C1GALT1: variants seen among roughly 807,000 people sequenced by gnomAD.
The protein encoded by C1GALT1 is glycoprotein-N-acetylgalactosamine 3-beta-galactosyltransferase 1.
In C1GALT1, 11 loss-of-function variants were observed where a neutral mutation model predicts 31.0. That is an observed-to-expected ratio of 0.36 (90% CI 0.22 to 0.59). The LOEUF is 0.59. Among genes scored for constraint, C1GALT1 ranks in the 20% least tolerant of loss-of-function variants. The pLI is 0.79. For synonymous variants in C1GALT1, 175 were observed against 143.6 expected (o/e 1.22, Z -1.56); for missense variants, 424 against 425.2 (o/e 1.00, Z 0.03).
chr7:7,242,117 C>T (rs192480263), intron 3 of C1GALT1, among the ~76,000 whole-genome samples: 1 of 151,624 alleles, frequency 6.6e-6, no homozygotes, highest in African/African-American at 2.4e-5. Context: ...AAATACACAC[C>T]TAATTTCAAG....
intron 1 of C1GALT1, among the ~76,000 whole-genome samples, chr7:7,229,175 G>A (rs139920436): frequency 4.6e-5 from 7 of 152,262 alleles, no homozygotes; most frequent in Non-Finnish European, 7.4e-5. Context: ...TGCCAGGAGC[G>A]GTAGACTCTG....
At position 7,234,508 on chromosome 7, in the gene C1GALT1, G is replaced by T; in HGVS notation, c.189G>T (p.Met63Ile). The T allele has an allele frequency of 6.2e-7, 1 of 1,612,790 alleles. No individual in the cohort carries two copies. Among genetic ancestry groups the T allele is most frequent in the South Asian group, 1.1e-5 (1 of 91,016 alleles). The change falls in exon 2 of 4, where the codon ATG (methionine) becomes ATT (isoleucine). Residue 63 changes from methionine (M) to isoleucine (I), a missense_variant. Coordinates refer to ENST00000436587, the MANE Select transcript of C1GALT1 (RefSeq NM_020156.5). ...DNGQNHLEGQ[M>I]NFNADSSQHK... Reference sequence around the variant, plus strand: ...GACAGAATCATCTAGAAGGACAAATGAACTTCAATGCAGATTCTAGCCAAC... The same window carrying T: ...GACAGAATCATCTAGAAGGACAAATTAACTTCAATGCAGATTCTAGCCAAC...
At chr7:7,180,891 T>C (rs972060855), upstream of C1GALT1, among the ~76,000 whole-genome samples, 12 of 127,812 alleles carry the variant, frequency 9.4e-5, no homozygotes, top group South Asian at 2.7e-3. Context: ...CTGGGCAACA[T>C]AGAAAGACCA....
intron 1 of C1GALT1, chr7:7,209,350 G>C (rs1341312529): frequency 1.3e-5 from 2 of 152,200 alleles, no homozygotes; most frequent in African/African-American, 4.8e-5. Flanking sequence ...TTTTTCCGAA[G>C]ATGGCCATAG....
At chr7:7,208,290 T>A (rs1237840998) in intron 1 of C1GALT1, among the ~76,000 whole-genome samples, 1 of 152,198 alleles carries the variant, frequency 6.6e-6, no homozygotes, top group African/African-American at 2.4e-5. Flanking sequence ...GATGGCATAT[T>A]GTCATGATTT....
chr7:7,230,698 A>T (rs1583823025), intron 1 of C1GALT1, among the ~76,000 whole-genome samples: 1 of 108,970 alleles, frequency 9.2e-6, no homozygotes, highest in Admixed American at 8.9e-5. Flanking sequence ...GAATTTAATT[A>T]TATTGTTTTA....
chr7:7,175,922 C>G (rs1780502125), intron 2 of C1GALT1, among the ~76,000 whole-genome samples: 1 of 152,058 alleles, frequency 6.6e-6, no homozygotes, highest in Non-Finnish European at 1.5e-5. Flanking sequence ...AAAGGCCCTA[C>G]CTTTATCCCC....
At chr7:7,212,213 C>T (rs1396930243) in intron 1 of C1GALT1, among the ~76,000 whole-genome samples, 1 of 152,144 alleles carries the variant, frequency 6.6e-6, no homozygotes, top group Non-Finnish European at 1.5e-5. Flanking sequence ...TCGGAGCTTC[C>T]AGACCTGTTA....
intron 2 of C1GALT1, among the ~76,000 whole-genome samples, chr7:7,177,208 A>C (rs529323728): frequency 6.6e-6 from 1 of 152,292 alleles, no homozygotes; most frequent in African/African-American, 2.4e-5. Context: ...GTCTCACACT[A>C]AGGCTCTGTC....
rs570812454 is a variant in C1GALT1, at chr7:7,241,834, C to T, written c.889-1690C>T. 7.9e-5 allele frequency among the ~76,000 whole-genome samples: 12 copies of T among 151,958 alleles called. No homozygotes were observed. The South Asian group carries it at 2.3e-3, about 29-fold the overall frequency. On this transcript the variant is annotated intron_variant, in intron 3 of 3. Transcript: ENST00000436587. ...GTTTTCTAATAATTATAGCTTTTTA[C>T]TTTTATTGTCTTTTATTGCATAAAT...
chr7:7,185,406 A>G (rs1218825012), intron 1 of C1GALT1, among the ~76,000 whole-genome samples: 1 of 152,232 alleles, frequency 6.6e-6, no homozygotes, highest in Non-Finnish European at 1.5e-5. Context: ...AAAATACGAC[A>G]AACTGGGTGA....
At chr7:7,218,070 G>T (rs924020375) in intron 1 of C1GALT1, among the ~76,000 whole-genome samples, 1 of 152,178 alleles carries the variant, frequency 6.6e-6, no homozygotes, top group Non-Finnish European at 1.5e-5. Context: ...AATTTGATGG[G>T]ATAGTATTAT....
intron 1 of C1GALT1, among the ~76,000 whole-genome samples, chr7:7,232,774 G>A (rs1783148704): frequency 6.6e-6 from 1 of 152,144 alleles, no homozygotes; most frequent in Admixed American, 6.5e-5. Context: ...ACAGGCGTGA[G>A]CCACCACGCC....
intron 1 of C1GALT1, among the ~76,000 whole-genome samples, chr7:7,190,287 G>A (rs553439729): frequency 6.6e-6 from 1 of 152,252 alleles, no homozygotes; most frequent in South Asian, 2.1e-4. Flanking sequence ...CTGAGAAGCT[G>A]ACTCAGGATT....
intron 1 of C1GALT1, among the ~76,000 whole-genome samples, chr7:7,192,351 C>G (rs1408109956): frequency 6.6e-6 from 1 of 152,058 alleles, no homozygotes; most frequent in Non-Finnish European, 1.5e-5. Flanking sequence ...CCTTTGCATC[C>G]TCATAGCTTA....
chr7:7,214,003 G>C (rs371881457), intron 1 of C1GALT1, among the ~76,000 whole-genome samples: 9 of 152,102 alleles, frequency 5.9e-5, no homozygotes, highest in South Asian at 2.1e-4. Context: ...TCTCCCAGTG[G>C]GGGGTAGGGA....
At chr7:7,208,634 G>GC (rs1781859270) in intron 1 of C1GALT1, among the ~76,000 whole-genome samples, 1 of 152,214 alleles carries the variant, frequency 6.6e-6, no homozygotes, top group Non-Finnish European at 1.5e-5. Context: ...GGAGGGGCTT[G>GC]CATCAGTGGG....
chr7:7,236,837 ATTTTTATGTTCCACCCAG>A, intron 2 of C1GALT1, among the ~76,000 whole-genome samples: 1 of 152,050 alleles, frequency 6.6e-6, no homozygotes, highest in Non-Finnish European at 1.5e-5. Context: ...ACATGAGAAT[ATTTTTATGTTCCACCCAG>A]CTTTTCCCAT....
rs1229954437 is a variant in C1GALT1, at chr7:7,246,076, G to C, written c.*2349G>C. 6.6e-6 allele frequency: 1 copy of C among 152,154 alleles called. No homozygotes were observed. The highest frequency in any genetic ancestry group is 2.4e-5 in the African/African-American group (1 of 41,428). The allele number at this position is 152,154 out of a possible 1,614,324, so 9.4% of individuals were successfully genotyped here. A position where few individuals can be genotyped will look rare whatever the true frequency, so the allele number is the denominator to read the frequency against. On this transcript the variant is annotated 3_prime_UTR_variant, in exon 4 of 4. Transcript: ENST00000436587. Reference sequence around the variant, plus strand: ...GTGAATGAAAAATTTGCTTTGACCAGATACTGAAGGAAATAAGTAATAGCT... The same window carrying C: ...GTGAATGAAAAATTTGCTTTGACCACATACTGAAGGAAATAAGTAATAGCT...
Sources: gnomAD v4.1 joint callset for allele counts (sites outside exome capture counted in the v4.1 genomes callset) on GRCh38, gnomAD v4.1.1 for gene constraint, MANE v1.5 for transcripts, NCBI Gene and HGNC (gene_info 2026-07-23, HGNC 2026-07-21) for gene names.